ARHGAP32: variants seen among roughly 807,000 people sequenced by gnomAD.
ARHGAP32 encodes rho GTPase-activating protein 32.
A neutral mutation model predicts 186.5 loss-of-function variants in ARHGAP32; 51 were observed. That is an observed-to-expected ratio of 0.27 (90% CI 0.22 to 0.35). The LOEUF is 0.35. ARHGAP32 is among the 10% of genes least tolerant of loss of function. The pLI is 1.00. For missense variants in ARHGAP32, 2,186 were observed against 2,623.5 expected, an observed-to-expected ratio of 0.83 and a Z score of 3.64; for synonymous variants, 950 against 964.3, an observed-to-expected ratio of 0.99 and a Z score of 0.27.
rs150039892 is a variant in ARHGAP32 at position 129,172,172 on chromosome 11, C to T, written c.117-7745G>A. Among the ~76,000 whole-genome samples the T allele has an allele frequency of 5.2e-3, 786 of 152,258 alleles. 4 individuals are homozygous for T. Among genetic ancestry groups the T allele is most frequent in the South Asian group, 0.011 (53 of 4,824 alleles). On this transcript the variant is annotated intron_variant, in intron 1 of 22. Transcript: ENST00000682385. ...GAATAACCTTTATTTCTTTCTCTTG[C>T]CTGACTTCCCTGGCCAGAACTTCCA...
intron 1 of ARHGAP32, among the ~76,000 whole-genome samples, chr11:129,270,687 C>CA (rs1945462744): frequency 6.6e-6 from 1 of 151,588 alleles, no homozygotes; most frequent in Non-Finnish European, 1.5e-5. Context: ...GAAACTTCTG[C>CA]ACCTTTAGCT....
chr11:129,165,527 A>C (rs1943617916), intron 1 of ARHGAP32, among the ~76,000 whole-genome samples: 1 of 148,626 alleles, frequency 6.7e-6, no homozygotes, highest in African/African-American at 2.5e-5. Flanking sequence ...CATTCTCCAG[A>C]CTCTCTGCAA....
At chr11:129,193,725 TATATATA>T (rs1565465056), upstream of ARHGAP32, among the ~76,000 whole-genome samples, 1 of 54,124 alleles carries the variant, frequency 1.8e-5, no homozygotes, top group Non-Finnish European at 3.7e-5. Flanking sequence ...TATTATATAT[TATATATA>T]ATATATATTA....
intron 1 of ARHGAP32, among the ~76,000 whole-genome samples, chr11:129,186,684 C>T (rs1434786232): frequency 6.6e-6 from 1 of 151,942 alleles, no homozygotes; most frequent in African/African-American, 2.4e-5. Context: ...TGTAATAATC[C>T]GATTTAAAAA....
intron 1 of ARHGAP32, among the ~76,000 whole-genome samples, chr11:129,267,527 G>A (rs1369546688): frequency 7.1e-6 from 1 of 140,750 alleles, no homozygotes; most frequent in Non-Finnish European, 1.6e-5. Context: ...TCGAGACCCC[G>A]TCTCAAAAAC....
chr11:129,199,795 A>G (rs373049404), intron 1 of ARHGAP32, among the ~76,000 whole-genome samples: 4 of 152,316 alleles, frequency 2.6e-5, no homozygotes, highest in African/African-American at 7.2e-5. Context: ...AGACCCCAGA[A>G]TGGCAGATCC....
At chr11:129,187,521 A>T (rs976818923) in intron 1 of ARHGAP32, among the ~76,000 whole-genome samples, 1 of 152,226 alleles carries the variant, frequency 6.6e-6, no homozygotes, top group Non-Finnish European at 1.5e-5. Context: ...TAATTAAAAG[A>T]GTATAATTGG....
At chr11:129,009,211 C>T (rs1454353478) in intron 11 of ARHGAP32, among the ~76,000 whole-genome samples, 1 of 152,072 alleles carries the variant, frequency 6.6e-6, no homozygotes, top group Non-Finnish European at 1.5e-5. Context: ...GGACACATTC[C>T]ACATATTTCT....
chr11:129,163,531 T>A (rs996754323), intron 2 of ARHGAP32, among the ~76,000 whole-genome samples: 15 of 151,998 alleles, frequency 9.9e-5, no homozygotes, highest in Non-Finnish European at 2.2e-4. Flanking sequence ...TCTTAATATA[T>A]CTTCATCTCA....
chr11:129,071,641 G>A (rs1940870131), intron 6 of ARHGAP32, among the ~76,000 whole-genome samples: 1 of 152,046 alleles, frequency 6.6e-6, no homozygotes, highest in Non-Finnish European at 1.5e-5. Flanking sequence ...AGCCATTTTG[G>A]AAAACTATAT....
At chr11:129,246,025 T>C (rs1210317622) in intron 1 of ARHGAP32, among the ~76,000 whole-genome samples, 1 of 152,254 alleles carries the variant, frequency 6.6e-6, no homozygotes, top group East Asian at 1.9e-4. Context: ...TATTATTCAA[T>C]AGATTAGCTA....
intron 9 of ARHGAP32, 55 bp from the exon 10 acceptor site, chr11:129,062,412 G>A (rs1343022127): frequency 1.8e-5 from 26 of 1,407,846 alleles, no homozygotes; most frequent in Middle Eastern, 1.8e-4. Context: ...TAAACCAATT[G>A]TTATACCTAG....
chr11:129,063,916 C>T lies in ARHGAP32; in HGVS notation c.871G>A (p.Glu291Lys), dbSNP rs776079368. The change falls in exon 9 of 23, where the codon GAA (glutamate) becomes AAA (lysine). Residue 291 changes from glutamate (E) to lysine (K), a missense_variant. Physicochemically the swap from Glu to Lys is moderately conservative, Grantham distance 56 (BLOSUM62 1). Transcript: ENST00000682385. Reference protein sequence around the residue: ...IKRYTARAPDELTLEVGDIVS... With the variant: ...IKRYTARAPDKLTLEVGDIVS... ...TAACTATTTACCTCTAAGGTCAGTT[C>T]GTCAGGGGCCCGAGCAGTGTACCTC... is the stretch of plus-strand genomic sequence containing the variant. 1 of 1,608,114 alleles carries T rather than the reference C, an allele frequency of 6.2e-7. No individual in the cohort carries two copies. Among genetic ancestry groups the T allele is most frequent in the Non-Finnish European group, 8.5e-7 (1 of 1,178,004 alleles).
At chr11:129,204,325 G>A (rs1944490872) in intron 1 of ARHGAP32, among the ~76,000 whole-genome samples, 1 of 152,104 alleles carries the variant, frequency 6.6e-6, no homozygotes, top group Non-Finnish European at 1.5e-5. Flanking sequence ...AATCAGGGGA[G>A]AAAGCAAATG....
intron 11 of ARHGAP32, chr11:129,023,860 T>A (rs536266135): frequency 2.0e-6 from 2 of 979,908 alleles, no homozygotes; most frequent in African/African-American, 3.5e-5. Flanking sequence ...TCTCCTTACC[T>A]CTTGTTGTGG....
rs992797424 is a variant in ARHGAP32 at position 128,969,588 on chromosome 11, G to C, written c.5625C>G (p.Ser1875Arg). The C allele has an allele frequency of 2.1e-5, 34 of 1,613,956 alleles. No individual in the cohort carries two copies. Among genetic ancestry groups the C allele is most frequent in the Admixed American group, 8.3e-5 (5 of 60,010 alleles). ...TGTCAGGAAGCTTCCTGCTCCTCAGGCTGCTCTGCTTCTGAGGCAGGGATG... is the reference window on the plus strand; with the variant it reads ...TGTCAGGAAGCTTCCTGCTCCTCAGCCTGCTCTGCTTCTGAGGCAGGGATG... ...EKPSLPQKQS[S>R]LRSRKLPDMG... Residue 1875 changes from serine to arginine, a missense_variant, in exon 23 of 23, where the codon AGC becomes AGG. Around this residue, in one of 5 missense-constraint regions of ARHGAP32, gnomAD observed 1,502 missense variants for 1,570.0 expected, o/e 0.96. Coordinates refer to ENST00000682385, the MANE Select transcript of ARHGAP32 (RefSeq NM_001378024.1). The surrounding 1 kb of genome is among the most constrained non-coding windows in gnomAD (Gnocchi z 4.8).
chr11:129,153,447 A>G (rs1037038908), intron 2 of ARHGAP32, among the ~76,000 whole-genome samples: 1 of 152,200 alleles, frequency 6.6e-6, no homozygotes, highest in Admixed American at 6.5e-5. Context: ...AGCAAAAAGA[A>G]CAAACATGGA....
At chr11:129,125,047 T>C (rs1291672653) in intron 2 of ARHGAP32, among the ~76,000 whole-genome samples, 153 bp from the exon 3 acceptor site, 1 of 152,160 alleles carries the variant, frequency 6.6e-6, no homozygotes, top group Non-Finnish European at 1.5e-5. Flanking sequence ...GTTTTAATTA[T>C]TAAGAATATA....
intron 11 of ARHGAP32, chr11:129,030,694 A>G (rs1267377557): frequency 6.6e-6 from 1 of 152,160 alleles, no homozygotes; most frequent in African/African-American, 2.4e-5. Context: ...TTCCCCCACC[A>G]TGGTTCTGTG....
Sources: allele counts gnomAD v4.1 joint callset (sites outside exome capture counted in the v4.1 genomes callset), GRCh38; gene constraint gnomAD v4.1.1; regional missense constraint gnomAD v4.1.1; non-coding constraint Gnocchi (gnomAD v3.1); transcripts MANE v1.5; gene names NCBI Gene and HGNC (gene_info 2026-07-23, HGNC 2026-07-21).